The following LAMA4 variants were observed in gnomAD, a reference collection of about 807,000 sequenced individuals.
The protein encoded by LAMA4 is laminin subunit alpha-4.
In LAMA4, 127 loss-of-function variants were observed where a neutral mutation model predicts 207.1. The observed-to-expected ratio is 0.61, with a 90% CI of 0.53 to 0.71. The LOEUF is 0.71. Among genes scored for constraint, LAMA4 ranks in the 30% least tolerant of loss-of-function variants. The pLI is 0.00. For missense variants in LAMA4, 2,093 were observed against 2,246.5 expected (o/e 0.93, Z 1.38); for synonymous variants, 761 against 816.0 (o/e 0.93, Z 1.15).
At chr6:112,129,174 G>T in intron 30 of LAMA4, 99 bp from the exon 31 acceptor site, 1 of 569,804 alleles carries the variant, frequency 1.8e-6, no homozygotes, top group Non-Finnish European at 2.8e-6. Context: ...ATTAAAATGT[G>T]TGTGTGTGTG....
chr6:112,141,838 A>T (rs1779717420), intron 20 of LAMA4, among the ~76,000 whole-genome samples: 1 of 152,208 alleles, frequency 6.6e-6, no homozygotes, highest in East Asian at 1.9e-4. Context: ...ATCAAACAGA[A>T]TAGGCTTCTG....
intron 17 of LAMA4, 44 bp downstream of exon 17, chr6:112,150,467 C>T (rs565779464): frequency 5.2e-6 from 6 of 1,155,760 alleles, no homozygotes; most frequent in East Asian, 4.7e-5. Flanking sequence ...ACCTTACACT[C>T]CAGTGAATCA....
At chr6:112,131,800 C>T (rs1426872717) in intron 28 of LAMA4, among the ~76,000 whole-genome samples, 3 of 152,022 alleles carry the variant, frequency 2.0e-5, no homozygotes, top group Non-Finnish European at 4.4e-5. Flanking sequence ...ATAAATGTGT[C>T]AGATGCAGGT....
intron 3 of LAMA4, among the ~76,000 whole-genome samples, chr6:112,212,190 G>A (rs1219909846): frequency 1.3e-5 from 2 of 151,498 alleles, no homozygotes; most frequent in Non-Finnish European, 2.9e-5. Context: ...GATGAACAAT[G>A]TATAGATAAC....
Position 112,148,311 on chromosome 6 carries a change from C to G in LAMA4, c.2199G>C (p.Gln733His). 1 of 1,614,212 alleles carries G rather than the reference C, an allele frequency of 6.2e-7. No individual in the cohort carries two copies. Among genetic ancestry groups the G allele is most frequent in the Non-Finnish European group, 8.5e-7 (1 of 1,180,036 alleles). ...ERGDAQQRLG[Q>H]SRLITEEANR... ...TGGCTTCCTCGGTGATCAGTCTAGA[C>G]TGCCCCAGGCGCTGCTGGGCATCCC... The change falls in exon 18 of 39, where the codon CAG becomes CAC. Residue 733 changes from glutamine (Q) to histidine (H), a missense_variant. Coordinates refer to ENST00000230538, the MANE Select transcript of LAMA4 (RefSeq NM_001105206.3).
At chr6:112,143,810 C>T (rs1288766311) in intron 19 of LAMA4, among the ~76,000 whole-genome samples, 2 of 152,168 alleles carry the variant, frequency 1.3e-5, no homozygotes, top group Non-Finnish European at 2.9e-5. Flanking sequence ...CAAGAAAGCA[C>T]TCATAAAAAC....
Position 112,139,214 on chromosome 6 carries a change from A to G in LAMA4, c.3188T>C (p.Ile1063Thr), listed in dbSNP as rs781790012. 6.2e-7 allele frequency: 1 copy of G among 1,614,178 alleles called. No homozygotes were observed. The highest frequency in any genetic ancestry group is 8.5e-7 in the Non-Finnish European group (1 of 1,180,010). The change falls in exon 24 of 39, where the codon ATC becomes ACC. Residue 1063 changes from isoleucine to threonine, a missense_variant. Ile to Thr is a moderately conservative substitution (Grantham distance 89). Transcript: ENST00000230538. ...CTGACCAAATTTCCCTCTCCTTGTG[A>G]TGTCTCTCACCACGGCATAACCGGA... ...DGSGYAVVRD[I>T]TRRGKFGQVT...
intron 12 of LAMA4, among the ~76,000 whole-genome samples, chr6:112,168,924 G>T (rs1365545624): frequency 6.6e-6 from 1 of 152,172 alleles, no homozygotes; most frequent in Non-Finnish European, 1.5e-5. Context: ...TCATGGATGA[G>T]AGAGATGAGC....
In LAMA4 at chr6:112,165,210, A is replaced by G. The variant is rs782651272; in HGVS notation, c.1618T>C (p.Ser540Pro). The G allele has an allele frequency of 6.2e-7, 1 of 1,613,706 alleles. No homozygotes were observed. The highest frequency in any genetic ancestry group is 8.5e-7 in the Non-Finnish European group (1 of 1,179,594). The change falls in exon 13 of 39, where the codon TCT (serine) becomes CCT (proline). Residue 540 changes from serine to proline, a missense_variant. By Grantham distance (74) the Ser-to-Pro change is moderately conservative. Transcript: ENST00000230538. The part of the protein sequence containing the change: ...VNMSLSTSAD[S>P]LTTPRLTLSE... The stretch of plus-strand genomic sequence containing the variant: ...AGAGTTAGACGAGGTGTTGTCAGAG[A>G]GTCCGCAGATGTGCTCAGAGACATG...
intron 2 of LAMA4, among the ~76,000 whole-genome samples, chr6:112,238,835 T>C (rs1317641613): frequency 6.6e-6 from 1 of 152,248 alleles, no homozygotes; most frequent in African/African-American, 2.4e-5. Context: ...CACTATCTTA[T>C]TTTCTCAGAA....
chr6:112,208,837 C>G (rs1212752902), intron 3 of LAMA4, among the ~76,000 whole-genome samples: 5 of 152,172 alleles, frequency 3.3e-5, no homozygotes, highest in African/African-American at 1.2e-4. Context: ...AAAATTATGT[C>G]TGCAAAGTAG....
chr6:112,134,709 T>C (rs1203929615), intron 25 of LAMA4, 100 bp from the exon 26 acceptor site: 1 of 954,898 alleles, frequency 1.0e-6, no homozygotes. Context: ...CTAGCTGTTC[T>C]TCCATGCCTT....
Position 112,178,043 on chromosome 6 carries a change from G to A in LAMA4, c.1189+78C>T, listed in dbSNP as rs56948541. ...CCTGGCACACAGCAAACACTTAACA[G>A]TAGCCATTATGCCTACTGATGTTAA... On this transcript the variant is annotated intron_variant, in intron 10 of 38. Coordinates refer to ENST00000230538, the MANE Select transcript of LAMA4 (RefSeq NM_001105206.3). 8,549 of 1,005,416 alleles carry A rather than the reference G, an allele frequency of 8.5e-3. 374 individuals carry two copies. In the African/African-American group the frequency reaches 0.11, roughly 13 times the overall value. The allele number at this position is 1,005,416 out of a possible 1,614,324, so 62.3% of individuals were successfully genotyped here.
rs564800042 is a variant in LAMA4, at chr6:112,205,777, T to C, written c.422+1244A>G. 6.6e-5 allele frequency among the ~76,000 whole-genome samples: 10 copies of C among 152,114 alleles called. No homozygotes were observed. In the East Asian group the frequency reaches 1.2e-3, roughly 18 times the overall value. On this transcript the variant is annotated intron_variant, in intron 4 of 38. Coordinates refer to ENST00000230538, the MANE Select transcript of LAMA4 (RefSeq NM_001105206.3). Reference sequence around the variant, plus strand: ...CACCACCGAGGAACCAAACATGTAATTGGACGTTGTGAATTTCAACCCTCC... The same window carrying C: ...CACCACCGAGGAACCAAACATGTAACTGGACGTTGTGAATTTCAACCCTCC...
intron 23 of LAMA4, 133 bp from the exon 24 acceptor site, chr6:112,139,424 A>G (rs782052775): frequency 2.0e-5 from 19 of 968,484 alleles, no homozygotes; most frequent in Non-Finnish European, 2.8e-5. Flanking sequence ...GTTGTCTGCA[A>G]GGAAGAGATA....
chr6:112,253,881 A>G (rs782196102), intron 2 of LAMA4, 75 bp downstream of exon 2: 2 of 1,614,134 alleles, frequency 1.2e-6, no homozygotes, highest in East Asian at 4.5e-5. Context: ...GCGGAGAGAG[A>G]GAGAAGGACG....
At chr6:112,124,335 C>T (rs1466157587) in intron 31 of LAMA4, among the ~76,000 whole-genome samples, 2 of 152,188 alleles carry the variant, frequency 1.3e-5, no homozygotes, top group Non-Finnish European at 2.9e-5. Flanking sequence ...ACCAGCCTTG[C>T]CTTACTCTGC....
chr6:112,199,750 C>G (rs1783625935), intron 5 of LAMA4, among the ~76,000 whole-genome samples: 1 of 148,412 alleles, frequency 6.7e-6, no homozygotes, highest in Non-Finnish European at 1.5e-5. Flanking sequence ...AGATTTTTCT[C>G]TGTATCACAG....
chr6:112,249,977 T>C (rs1787316273), intron 2 of LAMA4, among the ~76,000 whole-genome samples: 1 of 152,214 alleles, frequency 6.6e-6, no homozygotes, highest in Admixed American at 6.5e-5. Flanking sequence ...CACTTATTTT[T>C]TTTCTCTCTT....
Sources: allele counts gnomAD v4.1 joint callset (sites outside exome capture counted in the v4.1 genomes callset), GRCh38; gene constraint gnomAD v4.1.1; transcripts MANE v1.5; gene names NCBI Gene and HGNC (gene_info 2026-07-23, HGNC 2026-07-21).